GALNT13: variants seen among roughly 807,000 people sequenced by gnomAD.
GALNT13 encodes UDP-GalNAc:polypeptide N-acetylgalactosaminyltransferase 13.
GALNT13 carries 28 observed loss-of-function variants against 64.2 expected under a neutral mutation model. The observed-to-expected ratio is 0.44, with a 90% CI of 0.32 to 0.60. The LOEUF (loss-of-function observed/expected upper bound fraction) is 0.60, where lower values mean the gene tolerates loss of function less well. Ranked by LOEUF, GALNT13 falls within the 20% of genes least tolerant of loss-of-function variation. The probability of loss-of-function intolerance (pLI) is 0.05; values close to 1 mark genes in which losing one functional copy is unlikely to be tolerated. For missense variants in GALNT13, 577 were observed against 669.8 expected (o/e 0.86, Z 1.53); for synonymous variants, 214 against 224.6 (o/e 0.95, Z 0.42).
At chr2:153,228,177 A>G in the GALNT13 span, among the ~76,000 whole-genome samples, 9 of 152,342 alleles carry the variant, frequency 5.9e-5, no homozygotes, top group Middle Eastern at 3.4e-3. Flanking sequence ...GATAAGAGTC[A>G]GAAAATCTGA....
chr2:154,438,881 T>C (rs569362346), intron 12 of GALNT13, among the ~76,000 whole-genome samples, 155 bp downstream of exon 12: 1 of 152,264 alleles, frequency 6.6e-6, no homozygotes, highest in East Asian at 1.9e-4. Context: ...TAGGATGGCA[T>C]ATCATATAAA....
the GALNT13 span, among the ~76,000 whole-genome samples, chr2:153,849,952 G>A: frequency 7.0e-6 from 1 of 143,224 alleles, no homozygotes; most frequent in Non-Finnish European, 1.5e-5. Context: ...ACGAGGTCAT[G>A]AGATCGAGAC....
intron 8 of GALNT13, among the ~76,000 whole-genome samples, chr2:154,285,254 G>T (rs1429720997): frequency 6.6e-6 from 1 of 151,890 alleles, no homozygotes; most frequent in South Asian, 2.1e-4. Context: ...TGCTTTTGTT[G>T]CCTATACTTT....
intron 4 of GALNT13, among the ~76,000 whole-genome samples, chr2:154,171,359 A>G (rs888963206): frequency 2.6e-5 from 4 of 152,158 alleles, no homozygotes; most frequent in Non-Finnish European, 5.9e-5. Flanking sequence ...ACATTTCCTC[A>G]TGGCTTGAAC....
intron 4 of GALNT13, among the ~76,000 whole-genome samples, chr2:154,162,375 G>C (rs1405575930): frequency 1.3e-5 from 2 of 152,156 alleles, no homozygotes; most frequent in African/African-American, 4.8e-5. Context: ...CTATTCACCT[G>C]TGAATGATTT....
At chr2:154,373,211 C>T (rs1697798509) in intron 9 of GALNT13, among the ~76,000 whole-genome samples, 1 of 152,064 alleles carries the variant, frequency 6.6e-6, no homozygotes, top group Non-Finnish European at 1.5e-5. Flanking sequence ...ATTAAGACAT[C>T]TGGTACAGTG....
At chr2:153,685,209 G>A in the GALNT13 span, among the ~76,000 whole-genome samples, 1 of 151,864 alleles carries the variant, frequency 6.6e-6, no homozygotes, top group Non-Finnish European at 1.5e-5. Context: ...TCTGTCTTTA[G>A]GTCTTTGAGG....
chr2:153,884,310 G>A (rs942434934), intron 1 of GALNT13, among the ~76,000 whole-genome samples: 2 of 151,764 alleles, frequency 1.3e-5, no homozygotes, highest in African/African-American at 4.8e-5. Context: ...CGATGAGTGT[G>A]TACTTCCCAG....
rs143689491 is a variant in GALNT13, at chr2:154,255,033, G to T, written c.858-3988G>T. Among the ~76,000 whole-genome samples, 61 of 152,260 alleles carry T rather than the reference G, an allele frequency of 4.0e-4. No individual in the cohort carries two copies. The Middle Eastern group carries it at 0.01, about 25-fold the overall frequency. On this transcript the variant is annotated intron_variant, in intron 7 of 12. Transcript: ENST00000392825. ...GTGATAGATATGAAACTAAGAGCTT[G>T]TCCAAAGTCTGACAGCAAGGAAAAA...
the GALNT13 span, among the ~76,000 whole-genome samples, chr2:153,499,574 T>A: frequency 4.5e-4 from 68 of 152,258 alleles, 1 homozygote; most frequent in East Asian, 0.012. Flanking sequence ...TGCCCAGGCT[T>A]TTCATGCCGA....
chr2:153,933,069 G>T (rs1294004987), intron 2 of GALNT13, among the ~76,000 whole-genome samples: 1 of 152,146 alleles, frequency 6.6e-6, no homozygotes. Flanking sequence ...TATTTGCCAT[G>T]TACAGATGAA....
At chr2:153,302,263 C>T in the GALNT13 span, among the ~76,000 whole-genome samples, 6 of 152,054 alleles carry the variant, frequency 3.9e-5, no homozygotes, top group South Asian at 2.1e-4. Context: ...GAGGTTTTAA[C>T]GGGTGTGAGC....
At chr2:153,558,870 G>T in the GALNT13 span, among the ~76,000 whole-genome samples, 1 of 152,090 alleles carries the variant, frequency 6.6e-6, no homozygotes, top group African/African-American at 2.4e-5. Flanking sequence ...CTGGTTTGTG[G>T]ACACTGGAAA....
At chr2:154,105,799 T>C (rs987488744) in intron 3 of GALNT13, among the ~76,000 whole-genome samples, 2 of 152,190 alleles carry the variant, frequency 1.3e-5, no homozygotes, top group African/African-American at 4.8e-5. Flanking sequence ...CATGTGAATA[T>C]TGAGTACTTG....
At chr2:154,055,351 T>A (rs1320831973) in intron 3 of GALNT13, among the ~76,000 whole-genome samples, 1 of 152,106 alleles carries the variant, frequency 6.6e-6, no homozygotes, top group East Asian at 1.9e-4. Flanking sequence ...TGAGTGCAGA[T>A]TGAAGGAAAT....
chr2:153,425,556 T>C, the GALNT13 span, among the ~76,000 whole-genome samples: 1 of 151,840 alleles, frequency 6.6e-6, no homozygotes, highest in Non-Finnish European at 1.5e-5. Flanking sequence ...TGTTTACTTA[T>C]GAAATCTTGT....
At chr2:154,414,654 A>G (rs905818395) in intron 11 of GALNT13, among the ~76,000 whole-genome samples, 4 of 151,918 alleles carry the variant, frequency 2.6e-5, no homozygotes, top group African/African-American at 9.7e-5. Context: ...CAAATTTTCT[A>G]GTGATATTGT....
the GALNT13 span, among the ~76,000 whole-genome samples, chr2:153,725,680 A>G: frequency 9.9e-5 from 15 of 152,160 alleles, no homozygotes; most frequent in South Asian, 2.3e-3. Flanking sequence ...GTCCCATGCC[A>G]CCAGCTTCAC....
At chr2:154,081,241 G>T (rs982550322) in intron 3 of GALNT13, among the ~76,000 whole-genome samples, 2 of 151,450 alleles carry the variant, frequency 1.3e-5, no homozygotes, top group African/African-American at 4.8e-5. Flanking sequence ...TTTGTCACTT[G>T]TATTTTTCTT....
Sources: allele counts gnomAD v4.1 joint callset (sites outside exome capture counted in the v4.1 genomes callset), GRCh38; gene constraint gnomAD v4.1.1; transcripts MANE v1.5; gene names NCBI Gene and HGNC (gene_info 2026-07-23, HGNC 2026-07-21).